Variants in COBLL1 observed in about 807,000 individuals in gnomAD.
The protein encoded by COBLL1 is cordon-bleu WH2 repeat protein like 1.
Under a neutral mutation model 94.8 loss-of-function variants are expected in COBLL1, and 50 were observed. The ratio of observed to expected loss-of-function variants is 0.53; its 90% confidence interval spans 0.42 to 0.67. The LOEUF (loss-of-function observed/expected upper bound fraction) is 0.67, where lower values mean the gene tolerates loss of function less well. Among genes scored for constraint, COBLL1 ranks in the 30% least tolerant of loss-of-function variants. The probability of loss-of-function intolerance (pLI) is 0.00; values close to 1 mark genes in which losing one functional copy is unlikely to be tolerated. For synonymous variants in COBLL1, 448 were observed against 473.8 expected (o/e 0.95, Z 0.71); for missense variants, 1,362 against 1,348.7 (o/e 1.01, Z -0.15).
chr2:164,757,134 C>T (rs1371516250), intron 2 of COBLL1, among the ~76,000 whole-genome samples: 1 of 151,990 alleles, frequency 6.6e-6, no homozygotes, highest in African/African-American at 2.4e-5. Flanking sequence ...AAAGTGCAGC[C>T]AATTTTGAGA....
intron 11 of COBLL1, among the ~76,000 whole-genome samples, chr2:164,698,967 G>A (rs1362871232): frequency 1.3e-5 from 2 of 151,808 alleles, no homozygotes; most frequent in African/African-American, 4.8e-5. Context: ...AGATGATTTG[G>A]GCCTTGAAAA....
chr2:164,830,294 G>C (rs1370460780), intron 2 of COBLL1, among the ~76,000 whole-genome samples: 1 of 152,100 alleles, frequency 6.6e-6, no homozygotes, highest in Non-Finnish European at 1.5e-5. Flanking sequence ...AGTAATATAT[G>C]GAAACTGTGA....
At chr2:164,671,514 T>C (rs956170616) in intron 1 of COBLL1, among the ~76,000 whole-genome samples, 5 of 152,164 alleles carry the variant, frequency 3.3e-5, no homozygotes, top group African/African-American at 1.2e-4. Context: ...AATTATTCTC[T>C]CCTCTGAGGT....
intron 2 of COBLL1, among the ~76,000 whole-genome samples, chr2:164,769,402 A>G (rs1319020079): frequency 6.6e-6 from 1 of 152,166 alleles, no homozygotes; most frequent in African/African-American, 2.4e-5. Flanking sequence ...CTTCCCATCT[A>G]TTGTAGAGAC....
At chr2:164,837,574 C>A (rs1683375126) in intron 2 of COBLL1, 1 of 427,332 alleles carries the variant, frequency 2.3e-6, no homozygotes, top group African/African-American at 2.1e-5. Flanking sequence ...TATCATTTTT[C>A]ATCTAGATCA....
intron 5 of COBLL1, chr2:164,722,884 CCA>C (rs1292160411): frequency 2.6e-5 from 4 of 156,444 alleles, no homozygotes; most frequent in Admixed American, 6.5e-5. Context: ...GAAATCGCTA[CCA>C]CACAGTTTGT....
intron 2 of COBLL1, among the ~76,000 whole-genome samples, chr2:164,818,347 T>C (rs541048779): frequency 1.8e-4 from 27 of 149,514 alleles, no homozygotes; most frequent in Admixed American, 8.7e-4. Context: ...TATATATACA[T>C]ATGTGCATAT....
At chr2:164,838,307 T>C (rs894115564) in intron 2 of COBLL1, among the ~76,000 whole-genome samples, 1 of 152,128 alleles carries the variant, frequency 6.6e-6, no homozygotes, top group Non-Finnish European at 1.5e-5. Context: ...AATTATTATT[T>C]AGAATGTTTC....
chr2:164,701,280 T>C (rs1472928842), intron 9 of COBLL1, among the ~76,000 whole-genome samples: 8 of 152,178 alleles, frequency 5.3e-5, no homozygotes, highest in Admixed American at 4.6e-4. Context: ...AATCAGAATC[T>C]CTGAAGGGTG....
chr2:164,771,514 T>C (rs929969167), intron 2 of COBLL1, among the ~76,000 whole-genome samples: 2 of 152,034 alleles, frequency 1.3e-5, no homozygotes, highest in African/African-American at 4.8e-5. Context: ...ACATGAAAAC[T>C]TTTAACAAGT....
chr2:164,788,069 T>C (rs1364105362), intron 2 of COBLL1, among the ~76,000 whole-genome samples: 2 of 152,154 alleles, frequency 1.3e-5, no homozygotes. Context: ...CTAGATGGGA[T>C]TGATTCCCAT....
chr2:164,768,597 T>C (rs1401551503), intron 2 of COBLL1, among the ~76,000 whole-genome samples: 2 of 152,106 alleles, frequency 1.3e-5, no homozygotes, highest in African/African-American at 4.8e-5. Flanking sequence ...TAATCCCTCT[T>C]ATCTGGGGAA....
chr2:164,759,900 C>T (rs999955908), intron 2 of COBLL1, among the ~76,000 whole-genome samples: 2 of 152,142 alleles, frequency 1.3e-5, no homozygotes, highest in Non-Finnish European at 2.9e-5. Flanking sequence ...ATACCAAGTA[C>T]AGACAAGAAA....
rs10669922 is a variant in COBLL1, at chr2:164,775,157, TA to T, written c.42-31283del. On this transcript the variant is annotated intron_variant, in intron 2 of 13. Coordinates refer to ENST00000652658, the MANE Select transcript of COBLL1 (RefSeq NM_001365672.2). ...GGCAACAGGAAGAGACCCTGCCTCT[TA>T]AAAAAAAAAATGCATTCATAGTTTC... Among the ~76,000 whole-genome samples the T allele has an allele frequency of 6.1e-3, 904 of 148,370 alleles. 12 individuals carry two copies. Among genetic ancestry groups the T allele is most frequent in the African/African-American group, 0.02 (830 of 40,498 alleles).
At chr2:164,658,215 G>A (rs1212144139) in intron 2 of COBLL1, among the ~76,000 whole-genome samples, 3 of 152,148 alleles carry the variant, frequency 2.0e-5, no homozygotes, top group East Asian at 1.9e-4. Context: ...ATTCTTAGTC[G>A]GCCTAGGAAA....
chr2:164,711,588 T>G (rs968363641), intron 7 of COBLL1, among the ~76,000 whole-genome samples: 2 of 152,182 alleles, frequency 1.3e-5, no homozygotes, highest in African/African-American at 4.8e-5. Context: ...GTTAAATATT[T>G]AACACTACTT....
At chr2:164,672,728 A>AAAT (rs67260713) in intron 1 of COBLL1, among the ~76,000 whole-genome samples, 23,248 of 128,656 alleles carry the variant, frequency 0.18, 3,191 homozygotes, top group African/African-American at 0.32. Context: ...AAAAAAAAAA[A>AAAT]ATGACTTTGT....
intron 2 of COBLL1, chr2:164,772,187 A>G (rs1172069682): frequency 1.3e-5 from 2 of 151,828 alleles, no homozygotes; most frequent in African/African-American, 4.8e-5. Context: ...TAGTAATTTG[A>G]TACTATCTTT....
At chr2:164,820,618 G>A (rs560193177) in intron 2 of COBLL1, among the ~76,000 whole-genome samples, 102 of 152,268 alleles carry the variant, frequency 6.7e-4, no homozygotes, top group Middle Eastern at 3.4e-3. Flanking sequence ...AAATAGTAAT[G>A]TATTCATACT....
Sources: allele counts gnomAD v4.1 joint callset (sites outside exome capture counted in the v4.1 genomes callset), GRCh38; gene constraint gnomAD v4.1.1; transcripts MANE v1.5; gene names NCBI Gene and HGNC (gene_info 2026-07-23, HGNC 2026-07-21).